Variants in TRPM3 observed in about 807,000 individuals in gnomAD.
TRPM3 encodes transient receptor potential cation channel subfamily M member 3.
A neutral mutation model predicts 181.2 loss-of-function variants in TRPM3; 77 were observed. The ratio of observed to expected loss-of-function variants is 0.42; its 90% confidence interval spans 0.35 to 0.51. TRPM3 has a LOEUF of 0.51. Among genes scored for constraint, TRPM3 ranks in the 20% least tolerant of loss-of-function variants. The pLI is 0.01. For missense variants in TRPM3, 1,759 were observed against 2,196.7 expected, an observed-to-expected ratio of 0.80 and a Z score of 3.98; for synonymous variants, 745 against 796.4, an observed-to-expected ratio of 0.94 and a Z score of 1.09.
chr9:71,394,285 A>T (rs1458081507), intron 1 of TRPM3, among the ~76,000 whole-genome samples: 12 of 152,208 alleles, frequency 7.9e-5, no homozygotes. Flanking sequence ...TCATAATTTT[A>T]AATTTAAAAA....
chr9:71,023,505 T>G (rs2097862748), intron 1 of TRPM3, among the ~76,000 whole-genome samples: 1 of 152,014 alleles, frequency 6.6e-6, no homozygotes, highest in Non-Finnish European at 1.5e-5. Flanking sequence ...GAAATGAAAA[T>G]AAGTTCACCC....
intron 25 of TRPM3, among the ~76,000 whole-genome samples, chr9:70,542,679 T>C (rs553624057): frequency 1.7e-4 from 26 of 152,192 alleles, no homozygotes; most frequent in Non-Finnish European, 3.7e-4. Flanking sequence ...AACCTCGAAA[T>C]GTGGTGAAAG....
At chr9:71,043,169 G>C (rs146215335) in intron 1 of TRPM3, among the ~76,000 whole-genome samples, 1 of 152,150 alleles carries the variant, frequency 6.6e-6, no homozygotes, top group Non-Finnish European at 1.5e-5. Context: ...AGGCTAAAAG[G>C]CTGTCTGACA....
chr9:70,805,322 T>C (rs905024970), intron 6 of TRPM3, among the ~76,000 whole-genome samples: 2 of 151,392 alleles, frequency 1.3e-5, no homozygotes, highest in African/African-American at 4.9e-5. Flanking sequence ...CCTCACGAGG[T>C]CAGGAGATCG....
chr9:71,150,228 T>A (rs1479299870), intron 1 of TRPM3, among the ~76,000 whole-genome samples: 1 of 151,820 alleles, frequency 6.6e-6, no homozygotes, highest in Non-Finnish European at 1.5e-5. Context: ...ATATACACAA[T>A]GAGAAGGGGG....
intron 1 of TRPM3, among the ~76,000 whole-genome samples, chr9:71,310,665 C>T (rs1222792197): frequency 1.3e-5 from 2 of 152,042 alleles, no homozygotes; most frequent in African/African-American, 2.4e-5. Flanking sequence ...ATGTGTAGCT[C>T]CTACTGTAAA....
At chr9:70,562,619 A>AG (rs1196299873) in intron 22 of TRPM3, among the ~76,000 whole-genome samples, 1 of 80,006 alleles carries the variant, frequency 1.2e-5, no homozygotes, top group Non-Finnish European at 2.6e-5. Context: ...TGTGTTGGGC[A>AG]GGGGGGAGGT....
intron 1 of TRPM3, among the ~76,000 whole-genome samples, chr9:70,986,995 T>G (rs1034036703): frequency 5.9e-5 from 9 of 151,722 alleles, no homozygotes; most frequent in Non-Finnish European, 1.3e-4. Context: ...TTGACATGTA[T>G]CTAGTGTGAC....
chr9:71,087,188 T>C (rs1170263304), intron 1 of TRPM3, among the ~76,000 whole-genome samples: 1 of 152,030 alleles, frequency 6.6e-6, no homozygotes, highest in Non-Finnish European at 1.5e-5. Context: ...CCTTATCTCA[T>C]ATCCTATTAC....
intron 1 of TRPM3, among the ~76,000 whole-genome samples, chr9:71,395,525 T>C (rs890241554): frequency 3.3e-5 from 5 of 152,210 alleles, no homozygotes; most frequent in African/African-American, 1.2e-4. Context: ...GTGGAAGAGT[T>C]AACTTTAACT....
chr9:70,750,092 A>C (rs1411524103), intron 8 of TRPM3, among the ~76,000 whole-genome samples: 1 of 152,212 alleles, frequency 6.6e-6, no homozygotes, highest in African/African-American at 2.4e-5. Context: ...ACCAACACGC[A>C]GCTTAGACAT....
chr9:71,240,235 A>AT (rs1046970423), intron 1 of TRPM3, among the ~76,000 whole-genome samples: 3 of 152,164 alleles, frequency 2.0e-5, no homozygotes, highest in Non-Finnish European at 2.9e-5. Context: ...AATTAAAACA[A>AT]TTTTTTATTT....
At chr9:70,842,030 T>C (rs937348153) in intron 5 of TRPM3, among the ~76,000 whole-genome samples, 1 of 152,064 alleles carries the variant, frequency 6.6e-6, no homozygotes, top group Non-Finnish European at 1.5e-5. Context: ...GTATGCAATA[T>C]ACATACATAA....
At chr9:71,403,909 C>A (rs1312925874) in intron 1 of TRPM3, among the ~76,000 whole-genome samples, 1 of 152,088 alleles carries the variant, frequency 6.6e-6, no homozygotes, top group Non-Finnish European at 1.5e-5. Flanking sequence ...AGGATGTGGA[C>A]AAGTTGGTGC....
At chr9:70,973,605 C>G (rs1010884632) in intron 1 of TRPM3, among the ~76,000 whole-genome samples, 1 of 152,090 alleles carries the variant, frequency 6.6e-6, no homozygotes, top group Non-Finnish European at 1.5e-5. Context: ...GATCTCTTCC[C>G]AACTCCATGT....
At chr9:70,568,652 G>GAAACA (rs1291361634) in intron 22 of TRPM3, among the ~76,000 whole-genome samples, 1 of 152,118 alleles carries the variant, frequency 6.6e-6, no homozygotes, top group Non-Finnish European at 1.5e-5. Flanking sequence ...ACACAAATAG[G>GAAACA]CAAGTAACTT....
chr9:71,014,363 C>T (rs1417629746), intron 1 of TRPM3, among the ~76,000 whole-genome samples: 1 of 151,986 alleles, frequency 6.6e-6, no homozygotes, highest in African/African-American at 2.4e-5. Context: ...TGTATATTCT[C>T]TATTATTGTG....
intron 1 of TRPM3, among the ~76,000 whole-genome samples, chr9:71,446,364 A>G (rs1003631102): frequency 2.0e-5 from 3 of 152,178 alleles, no homozygotes; most frequent in Non-Finnish European, 4.4e-5. Flanking sequence ...CGCTCTGTTA[A>G]CTGCAAAACT....
intron 1 of TRPM3, among the ~76,000 whole-genome samples, chr9:71,199,287 G>C (rs1350356043): frequency 6.6e-6 from 1 of 151,970 alleles, no homozygotes; most frequent in Non-Finnish European, 1.5e-5. Flanking sequence ...GTATTTTATT[G>C]AGGATTTTTG....
Sources: gnomAD v4.1 joint callset for allele counts (sites outside exome capture counted in the v4.1 genomes callset) on GRCh38, gnomAD v4.1.1 for gene constraint, MANE v1.5 for transcripts, NCBI Gene and HGNC (gene_info 2026-07-23, HGNC 2026-07-21) for gene names.